The following JMJD1C variants were observed in gnomAD, a reference collection of about 807,000 sequenced individuals.
The protein encoded by JMJD1C is jumonji domain containing 1C.
A neutral mutation model predicts 245.3 loss-of-function variants in JMJD1C; 31 were observed. That is an observed-to-expected ratio of 0.13 (90% CI 0.09 to 0.17). The LOEUF (loss-of-function observed/expected upper bound fraction) is 0.17, where lower values mean the gene tolerates loss of function less well. Among genes scored for constraint, JMJD1C ranks in the 10% least tolerant of loss-of-function variants. The pLI is 1.00. For missense variants in JMJD1C, 2,691 were observed against 3,000.2 expected (o/e 0.90, Z 2.41); for synonymous variants, 1,057 against 1,017.4 (o/e 1.04, Z -0.74).
intron 1 of JMJD1C, among the ~76,000 whole-genome samples, chr10:63,460,147 G>A (rs769592010): frequency 1.1e-4 from 17 of 152,086 alleles, no homozygotes; most frequent in Non-Finnish European, 2.4e-4. Flanking sequence ...CACACAATTG[G>A]ATAAAAGATA....
At chr10:63,430,360 G>A (rs752868070) in intron 1 of JMJD1C, among the ~76,000 whole-genome samples, 13 of 152,194 alleles carry the variant, frequency 8.5e-5, no homozygotes, top group South Asian at 2.1e-4. Flanking sequence ...AAAATCAAGA[G>A]TGAAAAGACA....
chr10:63,319,246 G>A (rs1227143270), intron 2 of JMJD1C, among the ~76,000 whole-genome samples: 2 of 115,136 alleles, frequency 1.7e-5, no homozygotes, highest in African/African-American at 6.7e-5. Flanking sequence ...GACAGAGCGA[G>A]ACTCCATCTA....
intron 1 of JMJD1C, among the ~76,000 whole-genome samples, chr10:63,394,855 A>C (rs2134639721): frequency 6.6e-6 from 1 of 151,990 alleles, no homozygotes; most frequent in South Asian, 2.1e-4. Flanking sequence ...AAAAAAAAAA[A>C]AAAGTGATGT....
chr10:63,168,690 T>C, intron 24 of JMJD1C, 124 bp from the exon 25 acceptor site: 1 of 820,292 alleles, frequency 1.2e-6, no homozygotes, highest in Non-Finnish European at 1.7e-6. Context: ...CTCCAAAACA[T>C]CAAATGGATT....
chr10:63,228,786 C>T (rs1416201013), intron 3 of JMJD1C, among the ~76,000 whole-genome samples: 1 of 152,064 alleles, frequency 6.6e-6, no homozygotes, highest in Non-Finnish European at 1.5e-5. Context: ...ATCCTTTTCA[C>T]CAGTAAAGAC....
At chr10:63,445,273 T>G (rs758867611) in intron 1 of JMJD1C, among the ~76,000 whole-genome samples, 2 of 152,144 alleles carry the variant, frequency 1.3e-5, no homozygotes, top group Non-Finnish European at 2.9e-5. Context: ...TAGAGTGATA[T>G]TTGGTGATAG....
At chr10:63,408,646 A>C (rs1309737460) in intron 1 of JMJD1C, among the ~76,000 whole-genome samples, 6 of 152,144 alleles carry the variant, frequency 3.9e-5, no homozygotes, top group Non-Finnish European at 8.8e-5. Context: ...GTCTGAGTCA[A>C]GTTTGAGAGT....
rs191086004 is a variant in JMJD1C, at chr10:63,500,604, C to T, written n.113+21134G>A. On this transcript the variant is annotated intron_variant and non_coding_transcript_variant, in intron 1 of 3. Coordinates refer to the JMJD1C transcript ENST00000633035. ...CAAAAATCAGCCAAGTCATGGCACA[C>T]GCCTGTAATCCCAGCTACTTGAGAG... Among the ~76,000 whole-genome samples, 24 of 152,220 alleles carry T rather than the reference C, an allele frequency of 1.6e-4. No individual in the cohort carries two copies. In the East Asian group the frequency reaches 3.5e-3, roughly 22 times the overall value.
At chr10:63,367,046 T>C (rs566076303) in intron 2 of JMJD1C, among the ~76,000 whole-genome samples, 1 of 152,064 alleles carries the variant, frequency 6.6e-6, no homozygotes, top group East Asian at 1.9e-4. Context: ...AAAGAGGAGA[T>C]TCAAGAGACT....
In JMJD1C at chr10:63,510,686, T is replaced by C. The variant is rs61290266; in HGVS notation, n.113+11052A>G. 9.2e-3 allele frequency among the ~76,000 whole-genome samples: 1,401 copies of C among 152,324 alleles called. 18 individuals are homozygous for C. The highest frequency in any genetic ancestry group is 0.031 in the African/African-American group (1,282 of 41,564). On this transcript the variant is annotated intron_variant and non_coding_transcript_variant, in intron 1 of 3. Transcript: ENST00000633035. ...ATCTGCTGTTATTTGAAGTAGTCTA[T>C]AGATGTCAATTATACCCAGTTGATT...
chr10:63,305,183 A>G (rs1016450053), intron 2 of JMJD1C, among the ~76,000 whole-genome samples: 17 of 151,964 alleles, frequency 1.1e-4, no homozygotes, highest in Admixed American at 2.0e-4. Context: ...CCTCGCCCAC[A>G]TGGTGAAACC....
rs57860875 is a variant in JMJD1C at position 63,284,857 on chromosome 10, TCACACACACACACACACACACACACA to T, written c.334-20119_334-20094del. ...GATGCCATTCCCTGGCAGGGAAGAT[TCACACACACACACACACACACACACA>T]CACACACACACACACACACACACAT... is the stretch of plus-strand genomic sequence containing the variant. On this transcript the variant is annotated intron_variant, in intron 2 of 25. Transcript: ENST00000399262. Among the ~76,000 whole-genome samples the T allele has an allele frequency of 2.5e-3, 333 of 135,480 alleles. 5 individuals are homozygous for T. Among genetic ancestry groups the T allele is most frequent in the Admixed American group, 0.023 (312 of 13,622 alleles). 88.9% of individuals were successfully genotyped at this position (135,480 alleles called of 152,430 possible).
chr10:63,319,188 C>T (rs939863085), intron 2 of JMJD1C, among the ~76,000 whole-genome samples: 4 of 139,132 alleles, frequency 2.9e-5, no homozygotes, highest in Admixed American at 8.1e-5. Flanking sequence ...ACCCCGGAGG[C>T]GGAGCTTGCA....
intron 3 of JMJD1C, among the ~76,000 whole-genome samples, chr10:63,263,028 T>C (rs1854990220): frequency 6.6e-6 from 1 of 152,190 alleles, no homozygotes; most frequent in African/African-American, 2.4e-5. Context: ...TTTGGAAGGT[T>C]CCTTTGATTT....
intron 9 of JMJD1C, 33 bp downstream of exon 9, chr10:63,209,030 G>GT (rs1398175713): frequency 3.3e-6 from 5 of 1,519,242 alleles, no homozygotes; most frequent in South Asian, 2.4e-5. Context: ...TATGAACAAG[G>GT]TATTTATAAT....
chr10:63,209,257 A>T, intron 8 of JMJD1C, 22 bp from the exon 9 acceptor site: 1 of 1,576,158 alleles, frequency 6.3e-7, no homozygotes, highest in Non-Finnish European at 8.6e-7. Context: ...ACAAAACAAA[A>T]AAAACACCTA....
At chr10:63,391,714 A>G in intron 1 of JMJD1C, among the ~76,000 whole-genome samples, 1 of 152,172 alleles carries the variant, frequency 6.6e-6, no homozygotes, top group Non-Finnish European at 1.5e-5. Context: ...AAATGATCAT[A>G]TTGTCTGAAG....
At chr10:63,413,637 A>G (rs1334991481) in intron 1 of JMJD1C, among the ~76,000 whole-genome samples, 1 of 152,236 alleles carries the variant, frequency 6.6e-6, no homozygotes, top group Non-Finnish European at 1.5e-5. Flanking sequence ...AAAAACGGTT[A>G]TCAAGCGATA....
At chr10:63,338,932 G>A (rs1402275163) in intron 2 of JMJD1C, among the ~76,000 whole-genome samples, 1 of 152,062 alleles carries the variant, frequency 6.6e-6, no homozygotes, top group Admixed American at 6.6e-5. Flanking sequence ...TACAGGTGTC[G>A]TGAGCCACTG....
Sources: gnomAD v4.1 joint callset for allele counts (sites outside exome capture counted in the v4.1 genomes callset) on GRCh38, gnomAD v4.1.1 for gene constraint, MANE v1.5 for transcripts, NCBI Gene and HGNC (gene_info 2026-07-23, HGNC 2026-07-21) for gene names.